Variants in HMOX2 observed in about 807,000 individuals in gnomAD.
HMOX2 encodes heme oxygenase (decycling) 2.
Under a neutral mutation model 33.7 loss-of-function variants are expected in HMOX2, and 30 were observed. That is an observed-to-expected ratio of 0.89 (90% CI 0.67 to 1.21). HMOX2 has a LOEUF of 1.21. Among genes scored for constraint, HMOX2 ranks in the 50% most tolerant of loss-of-function variants. The pLI is 0.00. For synonymous variants in HMOX2, 155 were observed against 155.0 expected, an observed-to-expected ratio of 1.00 and a Z score of 0.00; for missense variants, 403 against 399.1, an observed-to-expected ratio of 1.01 and a Z score of -0.08.
chr16:4,494,173 G>T (rs1596461247), intron 1 of HMOX2, among the ~76,000 whole-genome samples: 1 of 152,008 alleles, frequency 6.6e-6, no homozygotes, highest in African/African-American at 2.4e-5. Flanking sequence ...AAAATTAGCG[G>T]GGCGTGGTGG....
At chr16:4,506,651 C>T (rs1173979658) in intron 2 of HMOX2, among the ~76,000 whole-genome samples, 1 of 152,246 alleles carries the variant, frequency 6.6e-6, no homozygotes, top group Non-Finnish European at 1.5e-5. Context: ...GGGTACTACT[C>T]TCAAGGAGCA....
intron 1 of HMOX2, among the ~76,000 whole-genome samples, chr16:4,497,452 T>A (rs779985401): frequency 2.0e-5 from 3 of 152,166 alleles, no homozygotes; most frequent in Non-Finnish European, 4.4e-5. Flanking sequence ...ATCCTCATCT[T>A]CTCAGCCCTG....
chr16:4,500,388 G>A (rs569485557), intron 1 of HMOX2, among the ~76,000 whole-genome samples: 2 of 152,240 alleles, frequency 1.3e-5, no homozygotes, highest in South Asian at 2.1e-4. Flanking sequence ...GTAACAACCC[G>A]AGTTCATGTT....
At chr16:4,498,270 T>C (rs368994710) in intron 1 of HMOX2, among the ~76,000 whole-genome samples, 60 of 152,136 alleles carry the variant, frequency 3.9e-4, no homozygotes, top group South Asian at 3.7e-3. Context: ...TTTTGCCATG[T>C]TGGCCAGGCT....
chr16:4,508,289 A>G, intron 4 of HMOX2, 85 bp downstream of exon 4: 3 of 1,432,142 alleles, frequency 2.1e-6, no homozygotes, highest in Non-Finnish European at 2.9e-6. Flanking sequence ...ATGAAGGCAC[A>G]CATGGCATTA....
At chr16:4,489,903 G>A (rs949872518) in intron 1 of HMOX2, among the ~76,000 whole-genome samples, 15 of 152,148 alleles carry the variant, frequency 9.9e-5, no homozygotes, top group African/African-American at 3.1e-4. Flanking sequence ...GAGCCACCGC[G>A]CCCAGCCCAT....
chr16:4,479,896 G>A (rs916654198), intron 1 of HMOX2, among the ~76,000 whole-genome samples: 2 of 151,598 alleles, frequency 1.3e-5, no homozygotes, highest in Non-Finnish European at 2.9e-5. Context: ...ATGCCACCAT[G>A]CCTGGCTAAT....
intron 1 of HMOX2, chr16:4,483,598 T>C (rs2058087559): frequency 6.6e-6 from 1 of 152,184 alleles, no homozygotes; most frequent in Admixed American, 6.6e-5. Flanking sequence ...AGATCAAATA[T>C]ATCTATAAAT....
At chr16:4,504,194 G>A (rs1282242792) in intron 1 of HMOX2, among the ~76,000 whole-genome samples, 3 of 152,054 alleles carry the variant, frequency 2.0e-5, no homozygotes, top group Admixed American at 6.6e-5. Flanking sequence ...TGCTTTTTTG[G>A]TAACTCCTGT....
intron 1 of HMOX2, among the ~76,000 whole-genome samples, chr16:4,500,954 G>A (rs1332362852): frequency 6.6e-6 from 1 of 152,156 alleles, no homozygotes; most frequent in East Asian, 1.9e-4. Context: ...AGTAGTGGAG[G>A]TAGATTTTAT....
At chr16:4,477,630 G>A (rs774630858) in intron 1 of HMOX2, among the ~76,000 whole-genome samples, 11 of 150,912 alleles carry the variant, frequency 7.3e-5, no homozygotes, top group African/African-American at 2.2e-4. Context: ...ATTGAAGAAA[G>A]AAACGCTGGC....
At chr16:4,493,709 G>A (rs2058354059) in intron 1 of HMOX2, among the ~76,000 whole-genome samples, 1 of 152,180 alleles carries the variant, frequency 6.6e-6, no homozygotes, top group South Asian at 2.1e-4. Context: ...AGGCTCTAGA[G>A]ATCATTGTAA....
In HMOX2 at chr16:4,509,936, T is replaced by C. The variant is rs756437309; in HGVS notation, c.*180T>C. The C allele has an allele frequency of 4.4e-6, 3 of 680,622 alleles. No individual in the cohort carries two copies. The highest frequency in any genetic ancestry group is 7.3e-6 in the Non-Finnish European group (3 of 409,650). The allele number at this position is 680,622 out of a possible 1,614,324, so 42.2% of individuals were successfully genotyped here. On this transcript the variant is annotated 3_prime_UTR_variant, in exon 6 of 6. Coordinates refer to ENST00000570646, the MANE Select transcript of HMOX2 (RefSeq NM_002134.4). ...CTGACAGCATCCTCTCTATGGGCCA[T>C]ATTCCGCACTGGGCACAGGCCGTCA...
At chr16:4,507,127 C>A in intron 3 of HMOX2, 115 bp downstream of exon 3, 1 of 723,094 alleles carries the variant, frequency 1.4e-6, no homozygotes, top group Non-Finnish European at 2.5e-6. Flanking sequence ...CTTTTCTCCA[C>A]ACTCCATTCC....
At chr16:4,482,227 G>A (rs2058049508) in intron 1 of HMOX2, among the ~76,000 whole-genome samples, 1 of 152,106 alleles carries the variant, frequency 6.6e-6, no homozygotes, top group Admixed American at 6.6e-5. Flanking sequence ...GACTTTTTGT[G>A]TTTATAAAAA....
intron 1 of HMOX2, among the ~76,000 whole-genome samples, chr16:4,500,879 G>A (rs1053641730): frequency 6.6e-6 from 1 of 152,154 alleles, no homozygotes; most frequent in African/African-American, 2.4e-5. Context: ...GCTTCTGTTA[G>A]CTCAGGTGTT....
chr16:4,506,845 A>G (rs1330655112), intron 2 of HMOX2, 50 bp from the exon 3 acceptor site: 1 of 1,357,884 alleles, frequency 7.4e-7, no homozygotes, highest in East Asian at 2.3e-5. Context: ...TCCTTTCTGG[A>G]AAGCTGGGAA....
At chr16:4,502,473 C>A (rs955962371) in intron 1 of HMOX2, among the ~76,000 whole-genome samples, 1 of 152,100 alleles carries the variant, frequency 6.6e-6, no homozygotes, top group Non-Finnish European at 1.5e-5. Flanking sequence ...AAGCATGGGG[C>A]CTGTGGTCCT....
At chr16:4,481,218 G>C (rs1411255823) in intron 1 of HMOX2, among the ~76,000 whole-genome samples, 1 of 151,744 alleles carries the variant, frequency 6.6e-6, no homozygotes, top group Non-Finnish European at 1.5e-5. Context: ...GCATGGTGGC[G>C]GGCGCCTGTA....
Sources: allele counts gnomAD v4.1 joint callset (sites outside exome capture counted in the v4.1 genomes callset), GRCh38; gene constraint gnomAD v4.1.1; transcripts MANE v1.5; gene names NCBI Gene and HGNC (gene_info 2026-07-23, HGNC 2026-07-21).